Variants in PIWIL1 observed in about 807,000 individuals in gnomAD.
PIWIL1 encodes piwi-like protein 1.
PIWIL1 carries 73 observed loss-of-function variants against 114.4 expected under a neutral mutation model. That is an observed-to-expected ratio of 0.64 (90% CI 0.53 to 0.78). The LOEUF (loss-of-function observed/expected upper bound fraction) is 0.78, where lower values mean the gene tolerates loss of function less well. Among genes scored for constraint, PIWIL1 ranks in the 30% least tolerant of loss-of-function variants. PIWIL1 has a pLI of 0.00. For missense variants in PIWIL1, 723 were observed against 1,063.1 expected, an observed-to-expected ratio of 0.68 and a Z score of 4.45; for synonymous variants, 375 against 369.0, an observed-to-expected ratio of 1.02 and a Z score of -0.19.
the PIWIL1 span, among the ~76,000 whole-genome samples, chr12:130,377,667 T>TC: frequency 6.6e-6 from 1 of 152,356 alleles, no homozygotes; most frequent in Middle Eastern, 3.4e-3. Context: ...CCTGGCCATG[T>TC]CCCCACCCAT....
At chr12:130,375,835 C>A (rs1357555913), downstream of PIWIL1, among the ~76,000 whole-genome samples, 3 of 152,118 alleles carry the variant, frequency 2.0e-5, no homozygotes, top group Non-Finnish European at 4.4e-5. Context: ...TGTTCAATTC[C>A]TGGCCATCCT....
chr12:130,399,057 G>T, the PIWIL1 span: 7 of 909,902 alleles, frequency 7.7e-6, no homozygotes, highest in Admixed American at 1.8e-4. Flanking sequence ...TACCACACTG[G>T]CCCGGTTAAG....
chr12:130,412,842 C>G, the PIWIL1 span: 1 of 1,502,648 alleles, frequency 6.7e-7, no homozygotes. Flanking sequence ...TTCAGAAATA[C>G]AATAGTCCCA....
chr12:130,369,937 G>A (rs543623378), intron 19 of PIWIL1, among the ~76,000 whole-genome samples: 5 of 152,234 alleles, frequency 3.3e-5, no homozygotes, highest in East Asian at 1.9e-4. Context: ...TGAGAAGCCC[G>A]CTCTTAATGA....
the PIWIL1 span, chr12:130,424,855 A>G: frequency 8.7e-5 from 107 of 1,232,070 alleles, no homozygotes; most frequent in Non-Finnish European, 1.1e-4. This position sits in a 1 kb window ranked among gnomAD's most constrained non-coding sequence, Gnocchi z 9.8. Context: ...TGGTCAGTGC[A>G]GTCCTTACGG....
At chr12:130,411,058 C>T in the PIWIL1 span, among the ~76,000 whole-genome samples, 1 of 152,124 alleles carries the variant, frequency 6.6e-6, no homozygotes, top group Non-Finnish European at 1.5e-5. Flanking sequence ...AAATACTGCA[C>T]GTGTTTTGTT....
Position 130,367,160 on chromosome 12 carries a change from G to A in PIWIL1, c.2223G>A (p.Lys741=). The change falls in exon 19 of 21, where the codon AAG becomes AAA. Residue 741 remains lysine, a synonymous_variant. Transcript: ENST00000245255. ...CTAGACTAACGGTAATTGTGGTGAA[G>A]AAAAGAGTGAACACCAGATTTTTTG... is the stretch of plus-strand genomic sequence containing the variant. ...YNPRLTVIVV[K]KRVNTRFFAQ... is the part of the protein sequence containing the mutation. The A allele has an allele frequency of 6.2e-7, 1 of 1,614,080 alleles. No individual in the cohort carries two copies. The highest frequency in any genetic ancestry group is 1.3e-5 in the African/African-American group (1 of 75,042).
At chr12:130,424,404 G>A in the PIWIL1 span, 247 of 1,232,660 alleles carry the variant, frequency 2.0e-4, no homozygotes, top group East Asian at 2.2e-3. This position sits in a 1 kb window ranked among gnomAD's most constrained non-coding sequence, Gnocchi z 9.8. Flanking sequence ...GGCCAGCAGC[G>A]GCCTCGGGCC....
the PIWIL1 span, chr12:130,424,361 C>T: frequency 1.4e-4 from 168 of 1,232,490 alleles, 1 homozygote; most frequent in Non-Finnish European, 2.2e-5. This position sits in a 1 kb window ranked among gnomAD's most constrained non-coding sequence, Gnocchi z 9.8. Flanking sequence ...AGTCCTCCTC[C>T]ACGCTGCTCT....
At chr12:130,374,876 GGGGCGGTTTCTT>G (rs1483087432), downstream of PIWIL1, among the ~76,000 whole-genome samples, 1 of 152,144 alleles carries the variant, frequency 6.6e-6, no homozygotes, top group African/African-American at 2.4e-5. Context: ...CAGCCTCTTA[GGGGCGGTTTCTT>G]TACATCTCCC....
rs145821284 is a variant in PIWIL1 at position 130,346,398 on chromosome 12, C to T, written c.345C>T (p.Ser115=). 6.8e-4 allele frequency: 1,093 copies of T among 1,613,728 alleles called. No individual in the cohort carries two copies. The highest frequency in any genetic ancestry group is 7.8e-4 in the Non-Finnish European group (925 of 1,179,628). The change falls in exon 5 of 21, where the codon AGC becomes AGT. Residue 115 remains serine, a synonymous_variant. Coordinates refer to ENST00000245255, the MANE Select transcript of PIWIL1 (RefSeq NM_004764.5). The part of the protein sequence containing the change: ...TGSSGIIVRL[S]TNHFRLTSRP... Reference sequence around the variant, plus strand: ...CTTCAGGCATTATAGTAAGGTTAAGCACTAACCATTTCCGGCTGACATCCC... The same window carrying T: ...CTTCAGGCATTATAGTAAGGTTAAGTACTAACCATTTCCGGCTGACATCCC...
At position 130,361,607 on chromosome 12, in the gene PIWIL1, T is replaced by A; in HGVS notation, c.1970+6T>A. The A allele has an allele frequency of 6.2e-7, 1 of 1,610,282 alleles. No individual in the cohort carries two copies. Among genetic ancestry groups the A allele is most frequent in the Non-Finnish European group, 8.5e-7 (1 of 1,176,634 alleles). On this transcript the variant is annotated splice_donor_region_variant and intron_variant, in intron 16 of 20. Coordinates refer to ENST00000245255, the MANE Select transcript of PIWIL1 (RefSeq NM_004764.5). ...ATCAATGAAGGGATGACCCGGTGAG[T>A]GAGACTGGGCTACTGTGGGTGGCAG...
At chr12:130,397,606 C>G in the PIWIL1 span, 7 of 398,502 alleles carry the variant, frequency 1.8e-5, no homozygotes, top group Admixed American at 8.8e-5. Flanking sequence ...ACAGAATTCA[C>G]TTGGTAACAT....
At chr12:130,407,689 G>A in the PIWIL1 span, 6 of 1,506,758 alleles carry the variant, frequency 4.0e-6, no homozygotes, top group East Asian at 1.4e-4. Flanking sequence ...GAAGGGTGTG[G>A]TTGTGTCCGT....
chr12:130,370,902 G>A (rs571225367), intron 19 of PIWIL1, among the ~76,000 whole-genome samples: 3 of 152,270 alleles, frequency 2.0e-5, no homozygotes, highest in Non-Finnish European at 2.9e-5. Flanking sequence ...TTTAGCGCCC[G>A]TAACAAATGC....
At chr12:130,355,771 C>G in intron 12 of PIWIL1, 104 bp downstream of exon 12, 1 of 785,822 alleles carries the variant, frequency 1.3e-6, no homozygotes, top group South Asian at 1.5e-5. Context: ...CTGCAAGCTC[C>G]GAGTAAGGCA....
At chr12:130,413,336 GCTCCT>G in the PIWIL1 span, among the ~76,000 whole-genome samples, 1 of 151,920 alleles carries the variant, frequency 6.6e-6, no homozygotes, top group Non-Finnish European at 1.5e-5. Flanking sequence ...GACTCACAAG[GCTCCT>G]CTCCTCTCAG....
In PIWIL1 at chr12:130,343,062, C is replaced by T. The variant is rs144603967; in HGVS notation, c.151C>T (p.Arg51Trp). 91 of 1,613,792 alleles carry T rather than the reference C, an allele frequency of 5.6e-5. No homozygotes were observed. The East Asian group carries it at 1.3e-3, about 23-fold the overall frequency. ...AGAGGGGGAATTATTTGGCCGTGGA[C>T]GGCAGAGAGGAACAGCAGGAGGAAC... ...PAEGELFGRG[R>W]QRGTAGGTAK... is the part of the protein sequence containing the mutation. Residue 51 changes from arginine to tryptophan, a missense_variant, in exon 3 of 21, where the codon CGG becomes TGG. Around this residue, in one of 8 missense-constraint regions of PIWIL1, gnomAD observed 91 missense variants for 76.2 expected, o/e 1.19. Coordinates refer to ENST00000245255, the MANE Select transcript of PIWIL1 (RefSeq NM_004764.5).
the PIWIL1 span, among the ~76,000 whole-genome samples, chr12:130,413,632 CAAAAAAAAAAA>C: frequency 2.3e-4 from 17 of 73,362 alleles, no homozygotes; most frequent in African/African-American, 6.8e-4. Flanking sequence ...GACTCTGTCT[CAAAAAAAAAAA>C]AAAAAAAAAA....
Sources: allele counts gnomAD v4.1 joint callset (sites outside exome capture counted in the v4.1 genomes callset), GRCh38; gene constraint gnomAD v4.1.1; regional missense constraint gnomAD v4.1.1; non-coding constraint Gnocchi (gnomAD v3.1); transcripts MANE v1.5; gene names NCBI Gene and HGNC (gene_info 2026-07-23, HGNC 2026-07-21).